The following CHN1 variants were observed in gnomAD, a reference collection of about 807,000 sequenced individuals.
CHN1 encodes N-chimaerin.
Under a neutral mutation model 59.5 loss-of-function variants are expected in CHN1, and 37 were observed. That is an observed-to-expected ratio of 0.62 (90% confidence interval 0.48 to 0.82). The LOEUF (loss-of-function observed/expected upper bound fraction) is 0.82. CHN1 is among the 40% of genes least tolerant of loss of function. The pLI, the probability that CHN1 is intolerant of heterozygous loss-of-function variation, is 0.00. For synonymous variants in CHN1, 206 were observed against 200.4 expected, an observed-to-expected ratio of 1.03 and a Z score of -0.24; for missense variants, 469 against 571.0, an observed-to-expected ratio of 0.82 and a Z score of 1.82.
intron 7 of CHN1, among the ~76,000 whole-genome samples, chr2:174,845,085 T>A (rs368145460): frequency 2.6e-5 from 4 of 152,288 alleles, no homozygotes; most frequent in African/African-American, 9.6e-5. Flanking sequence ...TGTGTTAAAA[T>A]TGAGAAACAA....
intron 11 of CHN1, among the ~76,000 whole-genome samples, chr2:174,807,414 T>C (rs1329796549): frequency 2.0e-5 from 3 of 148,424 alleles, no homozygotes; most frequent in African/African-American, 7.5e-5. Context: ...GATCAGAGCA[T>C]ACTGTGGACT....
At chr2:174,867,089 A>T (rs1307262068) in intron 6 of CHN1, among the ~76,000 whole-genome samples, 2 of 150,586 alleles carry the variant, frequency 1.3e-5, no homozygotes, top group Non-Finnish European at 3.0e-5. Context: ...AAGATTACTT[A>T]AGGGCCAGGA....
intron 8 of CHN1, among the ~76,000 whole-genome samples, chr2:174,819,006 A>G (rs1232013946): frequency 6.6e-6 from 1 of 152,134 alleles, no homozygotes; most frequent in Non-Finnish European, 1.5e-5. Context: ...TTGTTTTGAA[A>G]CATATCTCGT....
intron 5 of CHN1, among the ~76,000 whole-genome samples, chr2:174,905,849 C>T (rs991365139): frequency 4.6e-5 from 7 of 152,106 alleles, no homozygotes; most frequent in African/African-American, 9.7e-5. Flanking sequence ...TGAGCCACCG[C>T]GCCCAGCCAG....
chr2:174,924,143 A>G (rs1441262890), intron 3 of CHN1, among the ~76,000 whole-genome samples: 1 of 152,224 alleles, frequency 6.6e-6, no homozygotes, highest in Non-Finnish European at 1.5e-5. Context: ...CTTTCTGTCT[A>G]AAAACATAGC....
chr2:174,849,442 C>T (rs1026687150), intron 6 of CHN1, among the ~76,000 whole-genome samples: 18 of 152,138 alleles, frequency 1.2e-4, no homozygotes, highest in African/African-American at 4.3e-4. Flanking sequence ...GCGTTGGCTA[C>T]TCTCAAATGG....
rs1335217620 is a variant in CHN1, at chr2:174,952,098, T to A, written c.58+66A>T. ...ACAAAATGGAATGAGTATTTCTATC[T>A]AATAATCCCATATTTTTATATTACT... On this transcript the variant is annotated intron_variant, in intron 2 of 12. Coordinates refer to ENST00000409900, the MANE Select transcript of CHN1 (RefSeq NM_001822.7). 6.0e-6 allele frequency: 6 copies of A among 996,830 alleles called. No individual in the cohort carries two copies. In the Admixed American group the frequency reaches 2.3e-4, roughly 39 times the overall value. The allele number at this position is 996,830 out of a possible 1,614,324, so 61.7% of individuals were successfully genotyped here. A position where few individuals can be genotyped will look rare whatever the true frequency, so the allele number is the denominator to read the frequency against.
At chr2:174,955,200 A>AGAT (rs1690163660) in intron 1 of CHN1, among the ~76,000 whole-genome samples, 1 of 41,264 alleles carries the variant, frequency 2.4e-5, no homozygotes, top group Non-Finnish European at 4.3e-5. Flanking sequence ...ATATATATAT[A>AGAT]ATTGATATAT....
At chr2:174,857,383 T>C (rs2105448619) in intron 6 of CHN1, among the ~76,000 whole-genome samples, 1 of 152,252 alleles carries the variant, frequency 6.6e-6, no homozygotes, top group South Asian at 2.1e-4. Flanking sequence ...ATATCTTAGG[T>C]GATCTTAAAG....
intron 7 of CHN1, among the ~76,000 whole-genome samples, chr2:174,832,700 A>AT (rs1194679753): frequency 6.6e-6 from 1 of 152,088 alleles, no homozygotes; most frequent in Non-Finnish European, 1.5e-5. Context: ...TTCTACATTT[A>AT]TTGATACAGT....
chr2:174,874,783 C>T (rs1427150443), intron 6 of CHN1, among the ~76,000 whole-genome samples: 1 of 151,738 alleles, frequency 6.6e-6, no homozygotes, highest in Non-Finnish European at 1.5e-5. Context: ...TATGAGAGCA[C>T]TCTTATAGAG....
At chr2:174,889,205 T>C (rs1029398097) in intron 5 of CHN1, among the ~76,000 whole-genome samples, 9 of 152,020 alleles carry the variant, frequency 5.9e-5, no homozygotes, top group Non-Finnish European at 1.3e-4. Flanking sequence ...CCCTAGAATC[T>C]CTACACAGGT....
intron 8 of CHN1, among the ~76,000 whole-genome samples, chr2:174,814,504 T>C (rs972941097): frequency 6.6e-6 from 1 of 152,236 alleles, no homozygotes; most frequent in Non-Finnish European, 1.5e-5. Flanking sequence ...TAGAGTTCAG[T>C]CTAGAATTTA....
At chr2:174,940,557 T>C (rs948754017) in intron 3 of CHN1, among the ~76,000 whole-genome samples, 4 of 152,102 alleles carry the variant, frequency 2.6e-5, no homozygotes, top group African/African-American at 9.7e-5. Context: ...ATAATGACAT[T>C]ATTTATAAAC....
chr2:174,888,851 G>A (rs1186968731), intron 5 of CHN1, among the ~76,000 whole-genome samples: 4 of 152,206 alleles, frequency 2.6e-5, no homozygotes, highest in Admixed American at 1.3e-4. Flanking sequence ...AATGGAACTG[G>A]TAATGTAAGG....
At chr2:174,985,971 T>C (rs893392457) in intron 1 of CHN1, among the ~76,000 whole-genome samples, 1 of 152,192 alleles carries the variant, frequency 6.6e-6, no homozygotes, top group Non-Finnish European at 1.5e-5. Context: ...CAATACAATA[T>C]TCCCAATAAT....
intron 6 of CHN1, among the ~76,000 whole-genome samples, chr2:174,859,718 A>T (rs1247008138): frequency 6.6e-6 from 1 of 152,168 alleles, no homozygotes; most frequent in African/African-American, 2.4e-5. Context: ...GATGGAAACC[A>T]GGCCTTCTGA....
At chr2:174,874,872 C>CTTTTTTTTTTTTTTTTTTTTTTATTTT (rs11406785) in intron 6 of CHN1, among the ~76,000 whole-genome samples, 1 of 122,714 alleles carries the variant, frequency 8.1e-6, no homozygotes, top group Non-Finnish European at 1.6e-5. Context: ...TTTATTTATT[C>CTTTTTTTTTTTTTTTTTTTTTTATTTT]TTTTTTTTTT....
At chr2:174,963,701 C>G (rs1312812790) in intron 1 of CHN1, among the ~76,000 whole-genome samples, 5 of 152,170 alleles carry the variant, frequency 3.3e-5, no homozygotes, top group Admixed American at 1.3e-4. Context: ...ATTAAATACT[C>G]AGCTATTTGA....
Sources: allele counts gnomAD v4.1 joint callset (sites outside exome capture counted in the v4.1 genomes callset), GRCh38; gene constraint gnomAD v4.1.1; transcripts MANE v1.5; gene names NCBI Gene and HGNC (gene_info 2026-07-23, HGNC 2026-07-21).